The following SPNS2 variants were observed in gnomAD, a reference collection of about 807,000 sequenced individuals.
SPNS2 encodes sphingosine-1-phosphate transporter SPNS2.
SPNS2 carries 37 observed loss-of-function variants against 57.6 expected under a neutral mutation model. The observed-to-expected ratio is 0.64, with a 90% CI of 0.49 to 0.85. The LOEUF (loss-of-function observed/expected upper bound fraction) is 0.85. SPNS2 is among the 40% of genes least tolerant of loss of function. The pLI is 0.00. For synonymous variants in SPNS2, 440 were observed against 346.9 expected (o/e 1.27, Z -2.98); for missense variants, 831 against 779.1 (o/e 1.07, Z -0.79).
chr17:4,504,252 A>C (rs2144304302), intron 1 of SPNS2, among the ~76,000 whole-genome samples: 1 of 152,330 alleles, frequency 6.6e-6, no homozygotes, highest in South Asian at 2.1e-4. Flanking sequence ...CAGGGCATCC[A>C]GAGTGTCTGA....
Position 4,510,482 on chromosome 17 carries a change from C to T in SPNS2, c.371-2765C>T, listed in dbSNP as rs1407751112. Among the ~76,000 whole-genome samples, 10 of 152,112 alleles carry T rather than the reference C, an allele frequency of 6.6e-5. No individual in the cohort carries two copies. Among genetic ancestry groups the T allele is most frequent in the Non-Finnish European group, 1.3e-4 (9 of 68,028 alleles). ...GGCAAATCCTGGACCTTGAAGTCAT[C>T]GGATGGGGAAGTGTGCCGCTGGATA... On this transcript the variant is annotated intron_variant, in intron 1 of 12. Coordinates refer to ENST00000329078, the MANE Select transcript of SPNS2 (RefSeq NM_001124758.3). This position sits in a 1 kb window ranked among gnomAD's most constrained non-coding sequence, Gnocchi z 4.4.
In SPNS2 at chr17:4,510,287, G is replaced by A. The variant is rs552670746; in HGVS notation, c.371-2960G>A. Reference sequence around the variant, plus strand: ...GACTTGGACCCAAGACTGGGCGCTGGGGAGTGGTGGGACGGGAGCAGGCCA... The same window carrying A: ...GACTTGGACCCAAGACTGGGCGCTGAGGAGTGGTGGGACGGGAGCAGGCCA... On this transcript the variant is annotated intron_variant, in intron 1 of 12. Transcript: ENST00000329078. This position sits in a 1 kb window ranked among gnomAD's most constrained non-coding sequence, Gnocchi z 4.4. Among the ~76,000 whole-genome samples the A allele has an allele frequency of 1.1e-3, 169 of 152,308 alleles. No individual in the cohort carries two copies. The highest frequency in any genetic ancestry group is 3.9e-3 in the African/African-American group (162 of 41,562).
chr17:4,522,414 G>T (rs907401284), intron 2 of SPNS2, among the ~76,000 whole-genome samples: 4 of 152,128 alleles, frequency 2.6e-5, no homozygotes, highest in African/African-American at 4.8e-5. Flanking sequence ...TCTCCCCAAG[G>T]CCTCTGGAAT....
In SPNS2 at chr17:4,532,575, C is replaced by T. The variant is rs760457057; in HGVS notation, c.826C>T (p.Leu276Phe). 10 of 1,614,024 alleles carry T rather than the reference C, an allele frequency of 6.2e-6. No individual in the cohort carries two copies. The highest frequency in any genetic ancestry group is 1.7e-5 in the Admixed American group (1 of 60,006). ...SPVLGMITGT[L>F]ILILVPATKR... ...TGTCCTGGGCATGATCACAGGAACA[C>T]TCATCCTCATTCTGGTCCCAGCCAC... Residue 276 changes from leucine to phenylalanine, a missense_variant, in exon 6 of 13, where the codon CTC becomes TTC. Physicochemically the swap from Leu to Phe is conservative, Grantham distance 22. This residue lies in a region of SPNS2 where 526 missense variants were observed against 400.9 expected (regional missense o/e 1.31). Transcript: ENST00000329078.
At chr17:4,525,009 CG>C (rs752525124) in intron 2 of SPNS2, 47 bp from the exon 3 acceptor site, 2 of 1,596,938 alleles carry the variant, frequency 1.3e-6, no homozygotes, top group Non-Finnish European at 1.7e-6. Context: ...GCCGGGAGGC[CG>C]GGGCGCAGGG....
chr17:4,534,362 G>T, intron 9 of SPNS2: 1 of 192,014 alleles, frequency 5.2e-6, no homozygotes, highest in Non-Finnish European at 1.1e-5. Context: ...GGGTGGGGAT[G>T]GGAGCACCCT....
intron 1 of SPNS2, among the ~76,000 whole-genome samples, chr17:4,505,203 G>A (rs904849772): frequency 2.0e-5 from 3 of 152,124 alleles, no homozygotes; most frequent in Admixed American, 6.6e-5. Context: ...TGGGACCCCC[G>A]CATGCATAGG....
In SPNS2 at chr17:4,538,626, CGGGGGTGGGGT is replaced by C. The variant is rs1390906873; in HGVS notation, c.*1184_*1194del. 9 of 473,374 alleles carry C rather than the reference CGGGGGTGGGGT, an allele frequency of 1.9e-5. No homozygotes were observed. The highest frequency in any genetic ancestry group is 1.5e-5 in the Non-Finnish European group (4 of 263,436). 29.3% of individuals were successfully genotyped at this position (473,374 alleles called of 1,614,324 possible). A position where few individuals can be genotyped will look rare whatever the true frequency, so the allele number is the denominator to read the frequency against. ...TGCTGCAATCAAGGTGGTTCTGGTG[CGGGGGTGGGGT>C]GGGGGGTGAGGCCTTGTGGCCAATG... On this transcript the variant is annotated 3_prime_UTR_variant, in exon 13 of 13. Transcript: ENST00000329078.
chr17:4,530,955 GGGT>G, intron 4 of SPNS2, 95 bp from the exon 5 acceptor site: 1 of 1,501,656 alleles, frequency 6.7e-7, no homozygotes, highest in Non-Finnish European at 9.1e-7. Flanking sequence ...CCAGCTGGCT[GGGT>G]GGGGAGGGTG....
intron 1 of SPNS2, among the ~76,000 whole-genome samples, chr17:4,506,915 T>C (rs1189321887): frequency 6.6e-6 from 1 of 152,154 alleles, no homozygotes; most frequent in African/African-American, 2.4e-5. Context: ...ACTTCTGAAA[T>C]GGGCAACCTG....
At position 4,511,155 on chromosome 17, in the gene SPNS2, T is replaced by C. The variant is rs1904820365; in HGVS notation, c.371-2092T>C. On this transcript the variant is annotated intron_variant, in intron 1 of 12. Transcript: ENST00000329078. This position sits in a 1 kb window ranked among gnomAD's most constrained non-coding sequence, Gnocchi z 4.6. ...GCTGTGCTTCTGTGTGCATTCCCTA[T>C]AGAACCCACTCATCCTGGTAGGCCC... is the stretch of plus-strand genomic sequence containing the variant. 6.6e-6 allele frequency among the ~76,000 whole-genome samples: 1 copy of C among 152,202 alleles called. No homozygotes were observed. The highest frequency in any genetic ancestry group is 1.5e-5 in the Non-Finnish European group (1 of 68,038).
At position 4,538,117 on chromosome 17, in the gene SPNS2, TTCTGACAAGCTGGCA is replaced by T; in HGVS notation, c.*672_*686del. On this transcript the variant is annotated 3_prime_UTR_variant, in exon 13 of 13. Transcript: ENST00000329078. Reference sequence around the variant, plus strand: ...GCCTGGAGGTCCCAGATGGGGACTGTTCTGACAAGCTGGCATCACCAGGGGTGAAGGCCCTGGCTG... The same window carrying T: ...GCCTGGAGGTCCCAGATGGGGACTGTTCACCAGGGGTGAAGGCCCTGGCTG... 3.2e-6 allele frequency: 1 copy of T among 316,672 alleles called. No individual in the cohort carries two copies. Among genetic ancestry groups the T allele is most frequent in the East Asian group, 8.0e-5 (1 of 12,508 alleles). The allele number at this position is 316,672 out of a possible 1,614,324, so 19.6% of individuals were successfully genotyped here.
chr17:4,522,112 T>C (rs973211555), intron 2 of SPNS2, among the ~76,000 whole-genome samples: 2 of 152,116 alleles, frequency 1.3e-5, no homozygotes. Context: ...GGCAAGAGAA[T>C]CGCTTGAACC....
At chr17:4,503,742 G>C (rs927132476) in intron 1 of SPNS2, among the ~76,000 whole-genome samples, 1 of 152,244 alleles carries the variant, frequency 6.6e-6, no homozygotes, top group Non-Finnish European at 1.5e-5. Flanking sequence ...GGCACTTGGA[G>C]TTGGGTGGAG....
chr17:4,524,602 T>C lies in SPNS2; in HGVS notation c.437-455T>C, dbSNP rs371555440. 1.7e-4 allele frequency among the ~76,000 whole-genome samples: 26 copies of C among 152,300 alleles called. No individual in the cohort carries two copies. In the East Asian group the frequency reaches 4.0e-3, roughly 24 times the overall value. On this transcript the variant is annotated intron_variant, in intron 2 of 12. Coordinates refer to ENST00000329078, the MANE Select transcript of SPNS2 (RefSeq NM_001124758.3). ...AGGAGGCTGAGGCATAAGAATTGCT[T>C]GAACCCAGGAGATGGAGGTTGCAGT...
chr17:4,533,867 G>C lies in SPNS2; in HGVS notation c.1344+14G>C, dbSNP rs770465236. 6.2e-7 allele frequency: 1 copy of C among 1,609,966 alleles called. No individual in the cohort carries two copies. The highest frequency in any genetic ancestry group is 1.1e-5 in the South Asian group (1 of 91,040). ...GACATCCTCATGGTGAGCCAGGCAG[G>C]CCGAGGTCACCTTGTGCTGCTGACC... is the stretch of plus-strand genomic sequence containing the variant. On this transcript the variant is annotated intron_variant, in intron 9 of 12. Transcript: ENST00000329078.
rs142224404 is a variant in SPNS2, at chr17:4,532,616, C to T, written c.867C>T (p.Ala289=). 35 of 1,614,022 alleles carry T rather than the reference C, an allele frequency of 2.2e-5. No individual in the cohort carries two copies. Among genetic ancestry groups the T allele is most frequent in the South Asian group, 7.7e-5 (7 of 91,088 alleles). The change falls in exon 6 of 13, where the codon GCC becomes GCT. Residue 289 remains alanine, a synonymous_variant. Coordinates refer to ENST00000329078, the MANE Select transcript of SPNS2 (RefSeq NM_001124758.3). Reference sequence around the variant, plus strand: ...TCCCAGCCACTAAAAGGGGTCATGCCGACCAGCTCGGGGACCAGCTCAAGG... The same window carrying T: ...TCCCAGCCACTAAAAGGGGTCATGCTGACCAGCTCGGGGACCAGCTCAAGG... ...ILVPATKRGH[A]DQLGDQLKAR...
At chr17:4,503,396 C>T (rs1904585311) in intron 1 of SPNS2, among the ~76,000 whole-genome samples, 1 of 152,224 alleles carries the variant, frequency 6.6e-6, no homozygotes, top group South Asian at 2.1e-4. Flanking sequence ...ACTCTGCATT[C>T]TGAGCCCACT....
At chr17:4,529,941 G>T (rs888049866) in intron 3 of SPNS2, among the ~76,000 whole-genome samples, 1 of 152,312 alleles carries the variant, frequency 6.6e-6, no homozygotes, top group Admixed American at 6.5e-5. Context: ...GGGCGATGCT[G>T]GCCAGATGGG....
Sources: gnomAD v4.1 joint callset for allele counts (sites outside exome capture counted in the v4.1 genomes callset) on GRCh38, gnomAD v4.1.1 for gene constraint, gnomAD v4.1.1 regional missense constraint, Gnocchi (gnomAD v3.1) non-coding constraint, MANE v1.5 for transcripts, NCBI Gene and HGNC (gene_info 2026-07-23, HGNC 2026-07-21) for gene names.